Variants in NAA38 observed in about 807,000 individuals in gnomAD.
The protein encoded by NAA38 is LSM domain containing 1.
A neutral mutation model predicts 12.6 loss-of-function variants in NAA38; 15 were observed. The ratio of observed to expected loss-of-function variants is 1.19; its 90% CI spans 0.79 to 1.83. NAA38 has a LOEUF of 1.83. NAA38 is among the 40% of genes most tolerant of loss of function. The probability of loss-of-function intolerance (pLI) is 0.00; values close to 1 mark genes in which losing one functional copy is unlikely to be tolerated. For synonymous variants in NAA38, 88 were observed against 69.9 expected (o/e 1.26, Z -1.29); for missense variants, 183 against 171.7 (o/e 1.07, Z -0.37).
At chr17:7,861,198 T>G (rs2078880431), upstream of NAA38, 1 of 152,056 alleles carries the variant, frequency 6.6e-6, no homozygotes, top group South Asian at 2.1e-4. Flanking sequence ...AGGAAGAGTT[T>G]AGTGTGTCTT....
At chr17:7,864,749 T>G (rs2151388502) in intron 3 of NAA38, 1 of 152,172 alleles carries the variant, frequency 6.6e-6, no homozygotes, top group East Asian at 1.9e-4. Flanking sequence ...AATACAAAAA[T>G]TAGCCAGGTG....
At chr17:7,870,648 G>A (rs941168517) in intron 2 of NAA38, among the ~76,000 whole-genome samples, 5 of 152,020 alleles carry the variant, frequency 3.3e-5, no homozygotes, top group African/African-American at 7.3e-5. Flanking sequence ...CTGGGTGGCC[G>A]AGGTGGGCAG....
chr17:7,861,085 A>G (rs528140995), upstream of NAA38: 1 of 152,164 alleles, frequency 6.6e-6, no homozygotes, highest in Non-Finnish European at 1.5e-5. Flanking sequence ...GAGAACCACT[A>G]TTGGGGGTAA....
upstream of NAA38, chr17:7,857,939 G>A: frequency 7.0e-7 from 1 of 1,433,774 alleles, no homozygotes; most frequent in Non-Finnish European, 9.1e-7. Flanking sequence ...CGTTTCCCGT[G>A]AACACGTGCA....
chr17:7,878,654 A>T (rs1314121098), intron 2 of NAA38, among the ~76,000 whole-genome samples: 1 of 152,198 alleles, frequency 6.6e-6, no homozygotes, highest in Admixed American at 6.5e-5. Context: ...GAAACCCGGG[A>T]GGCAGAGGTT....
upstream of NAA38, chr17:7,858,116 G>A: frequency 6.2e-7 from 1 of 1,612,652 alleles, no homozygotes; most frequent in Non-Finnish European, 8.5e-7. Flanking sequence ...GAGATCCAGT[G>A]ACCGACAGAG....
Position 7,857,262 on chromosome 17 carries a change from C to T in NAA38, c.82-64G>A, listed in dbSNP as rs552318845. The stretch of plus-strand genomic sequence containing the variant: ...AGGCTGCCCGCCCGCGGAACCACAG[C>T]TCCCGGCAGCCCGCGGGGCACTCAC... On this transcript the variant is annotated intron_variant, in intron 1 of 2. Transcript: ENST00000575771. 4 of 1,609,950 alleles carry T rather than the reference C, an allele frequency of 2.5e-6. No homozygotes were observed. In the South Asian group the frequency reaches 4.4e-5, roughly 18 times the overall value.
intron 1 of NAA38, chr17:7,883,412 GTT>G (rs986468466): frequency 6.6e-6 from 1 of 152,010 alleles, no homozygotes; most frequent in Non-Finnish European, 1.5e-5. Flanking sequence ...AAAATTTGTT[GTT>G]TACCCCCCAA....
At chr17:7,878,123 C>T (rs1311829709) in intron 2 of NAA38, among the ~76,000 whole-genome samples, 1 of 151,852 alleles carries the variant, frequency 6.6e-6, no homozygotes, top group Admixed American at 6.6e-5. Context: ...AACATAATTA[C>T]AGTATCAAAT....
At chr17:7,873,062 C>T (rs1447908891) in intron 2 of NAA38, among the ~76,000 whole-genome samples, 2 of 152,148 alleles carry the variant, frequency 1.3e-5, no homozygotes, top group African/African-American at 2.4e-5. Flanking sequence ...GTACTAACGA[C>T]CTTAAAAGGG....
At chr17:7,859,097 C>T (rs2078861911), upstream of NAA38, 3 of 569,116 alleles carry the variant, frequency 5.3e-6, no homozygotes, top group South Asian at 6.9e-5. Context: ...CTCTTACACG[C>T]CGTTTTGGAC....
chr17:7,881,730 C>G (rs1967275847), intron 2 of NAA38, among the ~76,000 whole-genome samples: 1 of 149,616 alleles, frequency 6.7e-6, no homozygotes, highest in Non-Finnish European at 1.5e-5. Flanking sequence ...AAGGAACAAG[C>G]AGAAGGGCAA....
upstream of NAA38, chr17:7,858,730 G>T (rs1472362885): frequency 6.2e-7 from 1 of 1,607,398 alleles, no homozygotes; most frequent in Non-Finnish European, 8.5e-7. Flanking sequence ...AAGCCCTGGT[G>T]GCAGGGGTCG....
chr17:7,870,096 A>C (rs971630356), intron 2 of NAA38, among the ~76,000 whole-genome samples: 3 of 152,162 alleles, frequency 2.0e-5, no homozygotes, highest in Non-Finnish European at 4.4e-5. Flanking sequence ...CACAGTGGTC[A>C]ATCGAAGAAG....
chr17:7,858,653 C>T (rs757212991), upstream of NAA38: 1 of 1,608,798 alleles, frequency 6.2e-7, no homozygotes, highest in Non-Finnish European at 8.5e-7. Flanking sequence ...GGTACTGCAC[C>T]CCGCGGGGCC....
chr17:7,872,020 G>A (rs754232962), intron 2 of NAA38, among the ~76,000 whole-genome samples: 1 of 152,128 alleles, frequency 6.6e-6, no homozygotes, highest in African/African-American at 2.4e-5. Flanking sequence ...CAATAATTTT[G>A]TAAGCCCTGG....
intron 1 of NAA38, chr17:7,884,973 CGGGCCACGACCG>C (rs1255932581): frequency 1.6e-5 from 18 of 1,136,772 alleles, no homozygotes; most frequent in Non-Finnish European, 2.0e-5. Flanking sequence ...GGGCGCGGGC[CGGGCCACGACCG>C]GGGCCGCGAC....
At chr17:7,880,493 G>A (rs1353864648) in intron 2 of NAA38, among the ~76,000 whole-genome samples, 3 of 152,192 alleles carry the variant, frequency 2.0e-5, no homozygotes, top group Non-Finnish European at 4.4e-5. Context: ...ATGTCTCTAA[G>A]GTGGCATGTG....
chr17:7,856,965 G>T, intron 2 of NAA38, 50 bp downstream of exon 2: 1 of 1,587,298 alleles, frequency 6.3e-7, no homozygotes. Context: ...AATGCCTTGC[G>T]TAAGGTTCCG....
Sources: allele counts gnomAD v4.1 joint callset (sites outside exome capture counted in the v4.1 genomes callset), GRCh38; gene constraint gnomAD v4.1.1; transcripts MANE v1.5; gene names NCBI Gene and HGNC (gene_info 2026-07-23, HGNC 2026-07-21).